SLC9A9: variants seen among roughly 807,000 people sequenced by gnomAD.
SLC9A9 encodes sodium/hydrogen exchanger 9.
SLC9A9 carries 62 observed loss-of-function variants against 77.8 expected under a neutral mutation model. The ratio of observed to expected loss-of-function variants is 0.80; its 90% CI spans 0.65 to 0.98. The LOEUF is 0.98. Ranked by LOEUF, SLC9A9 falls within the 50% of genes least tolerant of loss-of-function variation. The pLI, the probability that SLC9A9 is intolerant of heterozygous loss-of-function variation, is 0.00. For missense variants in SLC9A9, 775 were observed against 774.9 expected (o/e 1.00, Z 0.00); for synonymous variants, 320 against 283.5 (o/e 1.13, Z -1.29).
intron 14 of SLC9A9, among the ~76,000 whole-genome samples, chr3:143,283,935 G>A (rs1190196540): frequency 6.6e-6 from 1 of 152,116 alleles, no homozygotes; most frequent in Non-Finnish European, 1.5e-5. Context: ...AAAACCACTA[G>A]AGAGCAAATT....
At chr3:143,534,157 T>A (rs1302283890) in intron 9 of SLC9A9, among the ~76,000 whole-genome samples, 1 of 152,186 alleles carries the variant, frequency 6.6e-6, no homozygotes, top group African/African-American at 2.4e-5. Flanking sequence ...TTATATTAAT[T>A]AAAAGATAAT....
At chr3:143,396,614 G>A (rs2033736673) in intron 12 of SLC9A9, among the ~76,000 whole-genome samples, 1 of 152,014 alleles carries the variant, frequency 6.6e-6, no homozygotes, top group Non-Finnish European at 1.5e-5. Context: ...TTCATGTAAG[G>A]GGCTTGGCAC....
intron 8 of SLC9A9, among the ~76,000 whole-genome samples, chr3:143,562,273 A>C (rs2037100443): frequency 6.6e-6 from 1 of 152,194 alleles, no homozygotes; most frequent in Admixed American, 6.5e-5. Context: ...AATTTCTTTA[A>C]GGCTAGAAAA....
At chr3:143,417,098 T>C (rs73144772) in intron 12 of SLC9A9, among the ~76,000 whole-genome samples, 14,131 of 152,036 alleles carry the variant, frequency 0.093, 766 homozygotes, top group East Asian at 0.16. Context: ...ACTGATGATA[T>C]AGGAGAGAAG....
intron 14 of SLC9A9, among the ~76,000 whole-genome samples, chr3:143,307,919 T>C: frequency 6.6e-6 from 1 of 152,170 alleles, no homozygotes; most frequent in East Asian, 1.9e-4. Context: ...ACTTTACCAC[T>C]GAAAGGGGAT....
chr3:143,399,060 C>T (rs1285888755), intron 12 of SLC9A9, among the ~76,000 whole-genome samples: 2 of 152,000 alleles, frequency 1.3e-5, no homozygotes, highest in African/African-American at 4.8e-5. Flanking sequence ...TATTTCACTT[C>T]TATTTTTACT....
At chr3:143,838,628 T>C (rs1051581186) in intron 1 of SLC9A9, among the ~76,000 whole-genome samples, 1 of 152,190 alleles carries the variant, frequency 6.6e-6, no homozygotes, top group Non-Finnish European at 1.5e-5. Context: ...ATTTAGAACA[T>C]CTGAGTTCAG....
chr3:143,691,324 C>T (rs1933456287), intron 5 of SLC9A9, among the ~76,000 whole-genome samples: 1 of 152,058 alleles, frequency 6.6e-6, no homozygotes, highest in African/African-American at 2.4e-5. Context: ...CCCAACTTGG[C>T]CTCCCATAGG....
intron 14 of SLC9A9, among the ~76,000 whole-genome samples, chr3:143,324,075 TGAG>T (rs1221447384): frequency 1.3e-5 from 2 of 152,184 alleles, no homozygotes; most frequent in Non-Finnish European, 2.9e-5. Flanking sequence ...TACGTCCCCC[TGAG>T]AAGAGGCAGC....
chr3:143,814,193 G>T (rs1038312800), intron 2 of SLC9A9, among the ~76,000 whole-genome samples: 2 of 152,184 alleles, frequency 1.3e-5, no homozygotes, highest in African/African-American at 4.8e-5. Context: ...CTCAGCAGGA[G>T]TAAGAGGGGT....
intron 12 of SLC9A9, among the ~76,000 whole-genome samples, chr3:143,390,148 C>T (rs2033524344): frequency 6.6e-6 from 1 of 152,198 alleles, no homozygotes; most frequent in Admixed American, 6.5e-5. Flanking sequence ...TCCAAGGTTG[C>T]CCATATGCCA....
intron 11 of SLC9A9, among the ~76,000 whole-genome samples, chr3:143,470,964 T>C (rs1161075883): frequency 6.6e-6 from 1 of 152,160 alleles, no homozygotes; most frequent in East Asian, 1.9e-4. Context: ...GGAGATGCAA[T>C]GCAGAGATTT....
intron 4 of SLC9A9, among the ~76,000 whole-genome samples, chr3:143,694,383 A>G (rs1933566342): frequency 6.6e-6 from 1 of 152,172 alleles, no homozygotes; most frequent in South Asian, 2.1e-4. Context: ...CTGAATATCC[A>G]TGAGGTAGGG....
chr3:143,421,456 C>T (rs1293440647), intron 12 of SLC9A9, among the ~76,000 whole-genome samples: 3 of 151,986 alleles, frequency 2.0e-5, no homozygotes, highest in African/African-American at 7.2e-5. Flanking sequence ...GAAATAAAGC[C>T]ACACACCTAC....
At chr3:143,431,466 C>T (rs1467070742) in intron 12 of SLC9A9, among the ~76,000 whole-genome samples, 2 of 147,798 alleles carry the variant, frequency 1.4e-5, no homozygotes, top group African/African-American at 5.0e-5. Context: ...TTGCGAAATC[C>T]TCCAGTAGCT....
chr3:143,807,520 G>A (rs954138096), intron 2 of SLC9A9, among the ~76,000 whole-genome samples: 1 of 152,112 alleles, frequency 6.6e-6, no homozygotes, highest in Non-Finnish European at 1.5e-5. Flanking sequence ...AAATTACTTG[G>A]AGTAGTGTTT....
intron 5 of SLC9A9, among the ~76,000 whole-genome samples, chr3:143,664,437 C>A (rs1359876462): frequency 6.6e-6 from 1 of 152,164 alleles, no homozygotes; most frequent in Non-Finnish European, 1.5e-5. Context: ...GGCAAAATAA[C>A]CAGCTAACAT....
At chr3:143,480,924 GA>G (rs1193336940) in intron 11 of SLC9A9, among the ~76,000 whole-genome samples, 3 of 152,168 alleles carry the variant, frequency 2.0e-5, no homozygotes, top group Non-Finnish European at 4.4e-5. Context: ...GGGAAGGAAA[GA>G]AAAGTCCAGC....
intron 7 of SLC9A9, among the ~76,000 whole-genome samples, chr3:143,577,673 G>A (rs1219058347): frequency 1.3e-5 from 2 of 152,134 alleles, no homozygotes; most frequent in Non-Finnish European, 2.9e-5. Context: ...ACCCCCAGTA[G>A]AATGAAGCAT....
Sources: allele counts gnomAD v4.1 joint callset (sites outside exome capture counted in the v4.1 genomes callset), GRCh38; gene constraint gnomAD v4.1.1; transcripts MANE v1.5; gene names NCBI Gene and HGNC (gene_info 2026-07-23, HGNC 2026-07-21).